Variants in POLR2F observed in about 807,000 individuals in gnomAD.
The protein encoded by POLR2F is RNA polymerase II, I and III subunit F, also known as DNA-directed RNA polymerases I, II, and III subunit RPABC2.
A neutral mutation model predicts 22.7 loss-of-function variants in POLR2F; 12 were observed. The ratio of observed to expected loss-of-function variants is 0.53; its 90% confidence interval spans 0.34 to 0.86. POLR2F has a LOEUF of 0.86. POLR2F is among the 40% of genes least tolerant of loss of function. The pLI, the probability that POLR2F is intolerant of heterozygous loss-of-function variation, is 0.02. For synonymous variants in POLR2F, 57 were observed against 66.0 expected (o/e 0.86, Z 0.66); for missense variants, 126 against 171.5 (o/e 0.73, Z 1.48).
intron 3 of POLR2F, among the ~76,000 whole-genome samples, chr22:37,960,879 C>T (rs1476165272): frequency 6.7e-5 from 9 of 134,674 alleles, no homozygotes; most frequent in South Asian, 4.7e-4. Context: ...GATGGAGTCT[C>T]GCTCTGTCGC....
At chr22:37,967,228 T>C in intron 4 of POLR2F, 58 bp downstream of exon 4, 2 of 1,602,684 alleles carry the variant, frequency 1.2e-6, no homozygotes, top group Non-Finnish European at 1.7e-6. Flanking sequence ...TCTGTTGGGC[T>C]CTCTGTTGCA....
chr22:37,989,001 G>A (rs1310652932), intron 1 of POLR2F: 1 of 152,252 alleles, frequency 6.6e-6, no homozygotes, highest in Non-Finnish European at 1.5e-5. Context: ...GCTACCCTGT[G>A]GGTCTTCAGC....
downstream of POLR2F, among the ~76,000 whole-genome samples, chr22:38,028,598 C>T (rs937442466): frequency 4.6e-5 from 7 of 151,922 alleles, no homozygotes; most frequent in Non-Finnish European, 8.8e-5. Context: ...ATGTGTGTGC[C>T]TATGTGTATG....
At chr22:38,037,596 CT>C (rs34521431) in intron 5 of POLR2F, among the ~76,000 whole-genome samples, 84,576 of 140,512 alleles carry the variant, frequency 0.6, 25,243 homozygotes, top group East Asian at 0.73. Flanking sequence ...TTCCTATCTC[CT>C]TTTTTTTTTT....
intron 1 of POLR2F, among the ~76,000 whole-genome samples, chr22:38,025,157 C>A (rs192876934): frequency 6.6e-6 from 1 of 152,224 alleles, no homozygotes; most frequent in East Asian, 1.9e-4. Flanking sequence ...TATATTTGAC[C>A]ATTTCAGGGC....
intron 1 of POLR2F, among the ~76,000 whole-genome samples, chr22:38,004,913 T>C (rs1286103074): frequency 6.6e-6 from 1 of 152,160 alleles, no homozygotes. Flanking sequence ...CATTGCACTC[T>C]AGCCTGGGCA....
At position 37,980,227 on chromosome 22, in the gene POLR2F, G is replaced by A. The variant is rs1932355235; in HGVS notation, c.293+13057G>A. ...GGCTGGGACCAGGGGAGGGGGTGGA[G>A]CAGGCCTTGAGGGTGTGACTGGGGA... On this transcript the variant is annotated intron_variant, in intron 4 of 4. Coordinates refer to the POLR2F transcript ENST00000405557. The surrounding 1 kb of genome is among the most constrained non-coding windows in gnomAD (Gnocchi z 4.1). Among the ~76,000 whole-genome samples the A allele has an allele frequency of 1.3e-5, 2 of 152,148 alleles. No individual in the cohort carries two copies. Among genetic ancestry groups the A allele is most frequent in the African/African-American group, 2.4e-5 (1 of 41,422 alleles).
At chr22:37,958,936 T>G (rs1458697221) in intron 2 of POLR2F, among the ~76,000 whole-genome samples, 1 of 152,230 alleles carries the variant, frequency 6.6e-6, no homozygotes, top group Non-Finnish European at 1.5e-5. Flanking sequence ...TTGGCTCAGC[T>G]CCCCTATCTG....
At chr22:37,993,889 T>C (rs904867806) in intron 1 of POLR2F, among the ~76,000 whole-genome samples, 1 of 152,156 alleles carries the variant, frequency 6.6e-6, no homozygotes, top group Non-Finnish European at 1.5e-5. Context: ...CTCAGGAGGC[T>C]GAGGCAGGAG....
intron 1 of POLR2F, among the ~76,000 whole-genome samples, chr22:37,996,896 G>C (rs1022420197): frequency 6.6e-6 from 1 of 152,170 alleles, no homozygotes; most frequent in Admixed American, 6.5e-5. Context: ...CGATTACGAC[G>C]CACCTGGTGG....
At position 37,959,448 on chromosome 22, in the gene POLR2F, G is replaced by T; in HGVS notation, c.193G>T (p.Val65Leu). ...CATGACCAAGTACGAGCGAGCCCGCGTGCTGGGCACCCGAGCGCTCCAGAT... is the reference window on the plus strand; with the variant it reads ...CATGACCAAGTACGAGCGAGCCCGCTTGCTGGGCACCCGAGCGCTCCAGAT... ...PYMTKYERAR[V>L]LGTRALQIAM... is the part of the protein sequence containing the mutation. Residue 65 changes from valine to leucine, a missense_variant, in exon 3 of 5, where the codon GTG becomes TTG. Transcript: ENST00000442738. 1 of 1,613,990 alleles carries T rather than the reference G, an allele frequency of 6.2e-7. No homozygotes were observed. Among genetic ancestry groups the T allele is most frequent in the Non-Finnish European group, 8.5e-7 (1 of 1,179,994 alleles).
At chr22:37,954,173 C>G (rs570855552) in intron 1 of POLR2F, among the ~76,000 whole-genome samples, 3 of 152,180 alleles carry the variant, frequency 2.0e-5, no homozygotes, top group East Asian at 1.9e-4. Flanking sequence ...AGTAAGCAAG[C>G]AAGCAGGTAA....
upstream of POLR2F, chr22:37,986,117 T>G (rs1488897081): frequency 6.8e-7 from 1 of 1,480,182 alleles, no homozygotes; most frequent in Non-Finnish European, 9.0e-7. This position sits in a 1 kb window ranked among gnomAD's most constrained non-coding sequence, Gnocchi z 4.7. Flanking sequence ...GGCAATCATG[T>G]GATTAACACA....
intron 1 of POLR2F, among the ~76,000 whole-genome samples, chr22:38,008,913 AT>A (rs1184234715): frequency 2.0e-5 from 3 of 152,090 alleles, no homozygotes; most frequent in African/African-American, 7.2e-5. Flanking sequence ...TTTACATAGT[AT>A]GATATGTGGG....
chr22:38,041,407 C>A, downstream of POLR2F: 1 of 269,590 alleles, frequency 3.7e-6, no homozygotes, highest in South Asian at 7.7e-5. Flanking sequence ...AGGATCCAGG[C>A]GGGGGATGGA....
chr22:38,002,503 G>T (rs916982937), intron 1 of POLR2F, among the ~76,000 whole-genome samples: 1 of 152,126 alleles, frequency 6.6e-6, no homozygotes, highest in African/African-American at 2.4e-5. Flanking sequence ...CTCCTGAGTA[G>T]CTGGGATTAC....
intron 1 of POLR2F, among the ~76,000 whole-genome samples, chr22:38,015,708 TA>T (rs2084910323): frequency 6.6e-6 from 1 of 152,020 alleles, no homozygotes. Context: ...ACAGGGGAGT[TA>T]TGAGAATCCA....
Position 37,968,224 on chromosome 22 carries a change from A to G in POLR2F, c.*509A>G. The G allele has an allele frequency of 4.1e-6, 4 of 985,444 alleles. No individual in the cohort carries two copies. Among genetic ancestry groups the G allele is most frequent in the Non-Finnish European group, 4.8e-6 (4 of 829,980 alleles). The allele number at this position is 985,444 out of a possible 1,614,324, so 61.0% of individuals were successfully genotyped here. On this transcript the variant is annotated 3_prime_UTR_variant, in exon 5 of 5. Transcript: ENST00000442738. ...GATCCCCTTTCAGGAGCAGTGCCCC[A>G]GCAGGAAGCGTGGGGGTGTGCTGAT...
chr22:38,021,518 G>A (rs1221704046), intron 1 of POLR2F, among the ~76,000 whole-genome samples: 1 of 152,118 alleles, frequency 6.6e-6, no homozygotes, highest in East Asian at 1.9e-4. Context: ...GTACAGTGAC[G>A]CGATCATGGC....
Sources: allele counts gnomAD v4.1 joint callset (sites outside exome capture counted in the v4.1 genomes callset), GRCh38; gene constraint gnomAD v4.1.1; non-coding constraint Gnocchi (gnomAD v3.1); transcripts MANE v1.5; gene names NCBI Gene and HGNC (gene_info 2026-07-23, HGNC 2026-07-21).